ANKRD22: variants seen among roughly 807,000 people sequenced by gnomAD.
ANKRD22 encodes ankyrin repeat domain 22.
A neutral mutation model predicts 25.7 loss-of-function variants in ANKRD22; 24 were observed. The observed-to-expected ratio is 0.93, with a 90% confidence interval of 0.68 to 1.31. The LOEUF (loss-of-function observed/expected upper bound fraction) is 1.31, where lower values mean the gene tolerates loss of function less well. Ranked by LOEUF, ANKRD22 falls within the 50% of genes most tolerant of loss-of-function variation. The pLI, the probability that ANKRD22 is intolerant of heterozygous loss-of-function variation, is 0.00. For missense variants in ANKRD22, 214 were observed against 227.1 expected, an observed-to-expected ratio of 0.94 and a Z score of 0.37; for synonymous variants, 84 against 84.3, an observed-to-expected ratio of 1.00 and a Z score of 0.02.
At chr10:88,830,798 C>T (rs188088722) in intron 2 of ANKRD22, among the ~76,000 whole-genome samples, 4 of 152,174 alleles carry the variant, frequency 2.6e-5, no homozygotes, top group African/African-American at 4.8e-5. Flanking sequence ...CTTAAAAGAG[C>T]GCAGGAACCC....
intron 1 of ANKRD22, among the ~76,000 whole-genome samples, chr10:88,843,918 G>A (rs969226491): frequency 4.0e-5 from 6 of 151,858 alleles, no homozygotes; most frequent in Non-Finnish European, 8.8e-5. Flanking sequence ...CTTTCTCTTC[G>A]GCAACCTGCA....
rs553443692 is a variant in ANKRD22, at chr10:88,834,069, T to C, written c.22-2043A>G. Among the ~76,000 whole-genome samples the C allele has an allele frequency of 7.9e-5, 12 of 152,344 alleles. 1 individual carries two copies. The highest frequency in any genetic ancestry group is 6.8e-3 in the Middle Eastern group (2 of 294). ...TGGGACTCTAGTCTCAACCAACAAA[T>C]CTTCCACATCACTGCTGGAGTCCAG... On this transcript the variant is annotated intron_variant, in intron 1 of 5. Transcript: ENST00000371930.
At chr10:88,846,800 C>T (rs991138121) in intron 1 of ANKRD22, among the ~76,000 whole-genome samples, 3 of 152,058 alleles carry the variant, frequency 2.0e-5, no homozygotes, top group Non-Finnish European at 4.4e-5. Context: ...AAGTCAGTGT[C>T]TTTCTGAAGC....
Position 88,820,631 on chromosome 10 carries a change from C to A in ANKRD22, c.*2310G>T. The A allele has an allele frequency of 1.2e-6, 1 of 854,884 alleles. No homozygotes were observed. The highest frequency in any genetic ancestry group is 1.7e-6 in the Non-Finnish European group (1 of 573,338). The allele number at this position is 854,884 out of a possible 1,614,324, so 53.0% of individuals were successfully genotyped here. ...TCCCTGCACTTGGCACTAAATCCGA[C>A]ACTTACATTTACATTTTTTTTCTGT... On this transcript the variant is annotated 3_prime_UTR_variant, in exon 6 of 6. Coordinates refer to ENST00000371930, the MANE Select transcript of ANKRD22 (RefSeq NM_144590.3).
chr10:88,825,946 A>G, intron 4 of ANKRD22, 92 bp downstream of exon 4: 3 of 1,078,384 alleles, frequency 2.8e-6, no homozygotes, highest in Non-Finnish European at 4.0e-6. Flanking sequence ...AAAATTGTCT[A>G]GGAAAATAAA....
rs1844105379 is a variant in ANKRD22, at chr10:88,851,596, T to C, written c.12A>G (p.Leu4=). The C allele has an allele frequency of 6.2e-7, 1 of 1,613,476 alleles. No individual in the cohort carries two copies. The highest frequency in any genetic ancestry group is 8.5e-7 in the Non-Finnish European group (1 of 1,179,568). MGI[L]YSEPICQAAY... The stretch of plus-strand genomic sequence containing the variant: ...CAGAAAGGTGATGTACCTCAGAGTA[T>C]AGGATTCCCATGCTGGTCCTTCACA... Residue 4 remains leucine, a synonymous_variant, in exon 1 of 6, where the codon CTA becomes CTG. Transcript: ENST00000371930.
intron 1 of ANKRD22, among the ~76,000 whole-genome samples, chr10:88,845,112 A>G (rs1252858091): frequency 6.6e-6 from 1 of 152,108 alleles, no homozygotes; most frequent in Non-Finnish European, 1.5e-5. Context: ...GGTGCTGATC[A>G]GCTCACTTCA....
chr10:88,848,282 A>G (rs1021108008), intron 1 of ANKRD22, among the ~76,000 whole-genome samples: 5 of 151,362 alleles, frequency 3.3e-5, no homozygotes, highest in African/African-American at 1.2e-4. Flanking sequence ...GGTTGATTAA[A>G]CAAATGGATG....
At chr10:88,840,009 G>C (rs1042870578) in intron 1 of ANKRD22, among the ~76,000 whole-genome samples, 1 of 152,116 alleles carries the variant, frequency 6.6e-6, no homozygotes, top group Admixed American at 6.6e-5. Flanking sequence ...AAAGGTAAAA[G>C]AAACAAGCCC....
chr10:88,848,275 T>G (rs1844072260), intron 1 of ANKRD22, among the ~76,000 whole-genome samples: 1 of 151,138 alleles, frequency 6.6e-6, no homozygotes, highest in Admixed American at 6.6e-5. Context: ...TAAATATGGT[T>G]GATTAAACAA....
chr10:88,834,942 AAAAG>A (rs1332037647), intron 1 of ANKRD22, among the ~76,000 whole-genome samples: 1 of 151,478 alleles, frequency 6.6e-6, no homozygotes, highest in Non-Finnish European at 1.5e-5. Context: ...AAAAGAAAAA[AAAAG>A]AAAGAAAAAA....
At chr10:88,823,513 T>C (rs1589321264) in intron 4 of ANKRD22, 135 bp from the exon 5 acceptor site, 9 of 699,058 alleles carry the variant, frequency 1.3e-5, no homozygotes, top group South Asian at 8.9e-5. Context: ...AAACCATTGA[T>C]AGACAACTAT....
intron 4 of ANKRD22, among the ~76,000 whole-genome samples, chr10:88,823,839 A>AT (rs963406439): frequency 4.4e-4 from 67 of 151,826 alleles, no homozygotes; most frequent in Non-Finnish European, 8.1e-4. Flanking sequence ...AAAAAAAAAA[A>AT]AAAAAAATTT....
chr10:88,830,440 T>C (rs887420354), intron 2 of ANKRD22, among the ~76,000 whole-genome samples: 2 of 152,214 alleles, frequency 1.3e-5, no homozygotes, highest in African/African-American at 4.8e-5. Flanking sequence ...GTTTTTAAGG[T>C]GTTTGTTTGT....
Position 88,822,797 on chromosome 10 carries a change from T to A in ANKRD22, c.*144A>T. The stretch of plus-strand genomic sequence containing the variant: ...AACAATGCTATAAATAAAAAGCTCT[T>A]CCAAAACATTAACCATGGTAAGCAT... On this transcript the variant is annotated 3_prime_UTR_variant, in exon 6 of 6. Coordinates refer to ENST00000371930, the MANE Select transcript of ANKRD22 (RefSeq NM_144590.3). The A allele has an allele frequency of 2.7e-6, 2 of 739,338 alleles. No individual in the cohort carries two copies. Among genetic ancestry groups the A allele is most frequent in the Non-Finnish European group, 4.6e-6 (2 of 434,662 alleles). The allele number at this position is 739,338 out of a possible 1,614,324, so 45.8% of individuals were successfully genotyped here.
intron 2 of ANKRD22, among the ~76,000 whole-genome samples, chr10:88,829,756 T>G (rs1207070789): frequency 2.0e-5 from 3 of 152,210 alleles, no homozygotes; most frequent in Admixed American, 1.3e-4. Context: ...GAACATTTCA[T>G]GGTTTTTGAG....
chr10:88,836,129 G>A (rs768548488), intron 1 of ANKRD22, among the ~76,000 whole-genome samples: 14 of 151,950 alleles, frequency 9.2e-5, no homozygotes, highest in African/African-American at 2.9e-4. Context: ...TCAATCTCAC[G>A]TGTTCCATAT....
chr10:88,828,768 G>C (rs781123411), intron 2 of ANKRD22, 102 bp from the exon 3 acceptor site: 2 of 824,922 alleles, frequency 2.4e-6, no homozygotes, highest in Admixed American at 2.7e-5. Context: ...TTGTTTTTCC[G>C]GTACCCATGG....
intron 3 of ANKRD22, among the ~76,000 whole-genome samples, chr10:88,826,444 T>A (rs1199575193): frequency 6.6e-6 from 1 of 152,182 alleles, no homozygotes; most frequent in Non-Finnish European, 1.5e-5. Context: ...TGCAATTACT[T>A]CCCATTGCTC....
Sources: allele counts gnomAD v4.1 joint callset (sites outside exome capture counted in the v4.1 genomes callset), GRCh38; gene constraint gnomAD v4.1.1; transcripts MANE v1.5; gene names NCBI Gene and HGNC (gene_info 2026-07-23, HGNC 2026-07-21).